Variants in NAALADL2 observed in about 807,000 individuals in gnomAD.
The protein encoded by NAALADL2 is N-acetylated alpha-linked acidic dipeptidase like 2.
In NAALADL2, 76 loss-of-function variants were observed where a neutral mutation model predicts 87.2. That is an observed-to-expected ratio of 0.87 (90% CI 0.72 to 1.05). The LOEUF is 1.05. NAALADL2 is among the 50% of genes least tolerant of loss of function. NAALADL2 has a pLI of 0.00. For missense variants in NAALADL2, 1,089 were observed against 945.8 expected (o/e 1.15, Z -1.99); for synonymous variants, 354 against 331.0 (o/e 1.07, Z -0.75).
chr3:174,446,669 C>G (rs1715077402), intron 1 of NAALADL2, among the ~76,000 whole-genome samples: 2 of 152,126 alleles, frequency 1.3e-5, no homozygotes, highest in African/African-American at 4.8e-5. Context: ...CTAACAAGCC[C>G]TGTATCCTAG....
chr3:174,777,332 T>C (rs1479066403), intron 3 of NAALADL2, among the ~76,000 whole-genome samples: 2 of 152,134 alleles, frequency 1.3e-5, no homozygotes, highest in Non-Finnish European at 2.9e-5. Flanking sequence ...CTAACACAAA[T>C]AAAGTCATGA....
chr3:175,555,919 C>T (rs1305022883), intron 9 of NAALADL2, among the ~76,000 whole-genome samples: 2 of 152,138 alleles, frequency 1.3e-5, no homozygotes. Context: ...ACTGAATTGA[C>T]TTTCCAAAAT....
chr3:174,911,431 T>C (rs1733690958), intron 1 of NAALADL2, among the ~76,000 whole-genome samples: 2 of 152,136 alleles, frequency 1.3e-5, no homozygotes, highest in African/African-American at 2.4e-5. Flanking sequence ...TTTGAAGCAA[T>C]GGCACTCGAC....
chr3:174,743,689 G>A (rs78276553), intron 3 of NAALADL2, among the ~76,000 whole-genome samples: 1 of 151,760 alleles, frequency 6.6e-6, no homozygotes, highest in Non-Finnish European at 1.5e-5. Flanking sequence ...AATTAGAATA[G>A]AATATTATGT....
chr3:175,143,240 C>T (rs1015655830), intron 2 of NAALADL2, among the ~76,000 whole-genome samples: 4 of 151,882 alleles, frequency 2.6e-5, no homozygotes, highest in African/African-American at 9.7e-5. Context: ...TCTTGCAGTT[C>T]GTTCGCAATA....
At chr3:174,555,361 G>A (rs149041396) in intron 2 of NAALADL2, among the ~76,000 whole-genome samples, 7,564 of 152,146 alleles carry the variant, frequency 0.05, 598 homozygotes, top group African/African-American at 0.17. Context: ...GTGCAATGGC[G>A]CGATCTTGGC....
intron 3 of NAALADL2, among the ~76,000 whole-genome samples, chr3:175,255,226 G>A (rs1749725681): frequency 6.6e-6 from 1 of 152,178 alleles, no homozygotes; most frequent in South Asian, 2.1e-4. Flanking sequence ...AGATACAGAT[G>A]AATGTGATGG....
rs1553855424 is a variant in NAALADL2, at chr3:174,787,601, A to ATATATATATATATATATATATG, written c.-9+49875_-9+49876insTGTATATATATATATATATATA. On this transcript the variant is annotated intron_variant, in intron 3 of 3. Transcript: ENST00000434257. The stretch of plus-strand genomic sequence containing the variant: ...CATATATATATATATATATATATAT[A>ATATATATATATATATATATATG]TATATATATATATATATATAGTAGT... Among the ~76,000 whole-genome samples the ATATATATATATATATATATATG allele has an allele frequency of 1.6e-3, 142 of 91,180 alleles. 6 individuals are homozygous for ATATATATATATATATATATATG. The highest frequency in any genetic ancestry group is 5.2e-3 in the African/African-American group (136 of 26,004). 59.8% of individuals were successfully genotyped at this position (91,180 alleles called of 152,430 possible).
intron 5 of NAALADL2, among the ~76,000 whole-genome samples, chr3:175,325,059 T>C (rs538219724): frequency 8.5e-5 from 13 of 152,180 alleles, no homozygotes; most frequent in Non-Finnish European, 1.3e-4. Flanking sequence ...TCTTGCAGGG[T>C]GATACTGACC....
chr3:174,823,096 T>G (rs1721603586), intron 3 of NAALADL2, among the ~76,000 whole-genome samples: 1 of 152,204 alleles, frequency 6.6e-6, no homozygotes, highest in Non-Finnish European at 1.5e-5. Flanking sequence ...TTTCTATATT[T>G]GTAGATACGT....
chr3:174,674,617 TA>T (rs1198761787), intron 2 of NAALADL2, among the ~76,000 whole-genome samples: 1 of 152,146 alleles, frequency 6.6e-6, no homozygotes, highest in Admixed American at 6.6e-5. Flanking sequence ...TAATTCCTTT[TA>T]AATAACTTAT....
chr3:174,691,829 T>C (rs1037126277), intron 2 of NAALADL2: 2 of 152,244 alleles, frequency 1.3e-5, no homozygotes, highest in African/African-American at 4.8e-5. Context: ...GTAGGTTTCA[T>C]CTCATGAAAT....
chr3:175,274,506 G>A (rs1447745159), intron 4 of NAALADL2, among the ~76,000 whole-genome samples: 2 of 152,096 alleles, frequency 1.3e-5, no homozygotes, highest in Non-Finnish European at 2.9e-5. Flanking sequence ...TGAGCTATGT[G>A]CACTTCTTTA....
At chr3:175,481,223 C>A (rs1726410235) in intron 9 of NAALADL2, among the ~76,000 whole-genome samples, 2 of 151,630 alleles carry the variant, frequency 1.3e-5, no homozygotes, top group African/African-American at 4.8e-5. Context: ...ATAAAAATGG[C>A]CAATTAATGT....
intron 10 of NAALADL2, 36 bp from the exon 11 acceptor site, chr3:175,627,253 TAA>T: frequency 6.9e-7 from 1 of 1,457,790 alleles, no homozygotes; most frequent in East Asian, 2.5e-5. Flanking sequence ...ACAAAATCGA[TAA>T]AGAGTTTTAA....
intron 2 of NAALADL2, among the ~76,000 whole-genome samples, chr3:174,641,206 T>G (rs1307492059): frequency 6.6e-6 from 1 of 152,104 alleles, no homozygotes; most frequent in African/African-American, 2.4e-5. Context: ...AAGAGATGGA[T>G]TCTGCCCACA....
chr3:174,965,074 C>T (rs1355919793), intron 1 of NAALADL2, among the ~76,000 whole-genome samples: 1 of 152,034 alleles, frequency 6.6e-6, no homozygotes, highest in African/African-American at 2.4e-5. Context: ...CTGGTTCTAG[C>T]TCAGGGTTTC....
intron 5 of NAALADL2, among the ~76,000 whole-genome samples, chr3:175,388,557 T>G (rs578189046): frequency 2.6e-5 from 4 of 152,198 alleles, no homozygotes; most frequent in Admixed American, 2.6e-4. Flanking sequence ...AATCTAAAGA[T>G]TGTAAATAAC....
At chr3:174,717,179 A>T (rs972874410) in intron 2 of NAALADL2, among the ~76,000 whole-genome samples, 4 of 152,138 alleles carry the variant, frequency 2.6e-5, no homozygotes, top group Admixed American at 6.5e-5. Context: ...TTGTGGTAAG[A>T]AAAGGGAGGA....
Sources: allele counts gnomAD v4.1 joint callset (sites outside exome capture counted in the v4.1 genomes callset), GRCh38; gene constraint gnomAD v4.1.1; transcripts MANE v1.5; gene names NCBI Gene and HGNC (gene_info 2026-07-23, HGNC 2026-07-21).